Variants in BICC1 observed in about 807,000 individuals in gnomAD.
BICC1 encodes the protein BicC family RNA binding protein 1.
BICC1 carries 43 observed loss-of-function variants against 111.0 expected under a neutral mutation model. That is an observed-to-expected ratio of 0.39 (90% confidence interval 0.30 to 0.50). The LOEUF is 0.50. BICC1 is among the 20% of genes least tolerant of loss of function. BICC1 has a pLI of 0.88. For synonymous variants in BICC1, 467 were observed against 434.4 expected (o/e 1.07, Z -0.93); for missense variants, 1,091 against 1,203.2 (o/e 0.91, Z 1.38).
intron 2 of BICC1, chr10:58,648,372 C>A: frequency 3.7e-6 from 1 of 271,472 alleles, no homozygotes; most frequent in Non-Finnish European, 5.6e-6. Flanking sequence ...TTTTTGTGTT[C>A]ACCTATGTTA....
At chr10:58,607,241 G>A (rs1031276725) in intron 1 of BICC1, among the ~76,000 whole-genome samples, 2 of 151,502 alleles carry the variant, frequency 1.3e-5, no homozygotes, top group Admixed American at 6.6e-5. Context: ...CCTTGAACCC[G>A]GGAGGCGGAG....
intron 1 of BICC1, among the ~76,000 whole-genome samples, chr10:58,611,136 G>A (rs1455026315): frequency 1.2e-4 from 19 of 152,304 alleles, no homozygotes; most frequent in Admixed American, 8.5e-4. Flanking sequence ...ATAATGCTGT[G>A]ACAGACCAGT....
At chr10:58,725,918 A>C in intron 3 of BICC1, among the ~76,000 whole-genome samples, 1 of 152,122 alleles carries the variant, frequency 6.6e-6, no homozygotes, top group Non-Finnish European at 1.5e-5. Context: ...CTTTGTGGGG[A>C]ATGGTTGCAC....
At chr10:58,626,957 A>G (rs1338582865) in intron 2 of BICC1, among the ~76,000 whole-genome samples, 1 of 152,148 alleles carries the variant, frequency 6.6e-6, no homozygotes, top group African/African-American at 2.4e-5. Context: ...ATACAAAGTT[A>G]GCTGGGCGAT....
chr10:58,783,818 A>G (rs1040453685), intron 3 of BICC1, among the ~76,000 whole-genome samples: 1 of 152,206 alleles, frequency 6.6e-6, no homozygotes, highest in African/African-American at 2.4e-5. Context: ...GTTTTATCAT[A>G]AAGCTGATGG....
At chr10:58,808,131 TAA>T (rs1843771145) in intron 17 of BICC1, among the ~76,000 whole-genome samples, 1 of 151,694 alleles carries the variant, frequency 6.6e-6, no homozygotes, top group Non-Finnish European at 1.5e-5. Context: ...ATTGAAATAC[TAA>T]AAGAGTCTCC....
chr10:58,634,031 G>A (rs369064978), intron 2 of BICC1, among the ~76,000 whole-genome samples: 45 of 112,712 alleles, frequency 4.0e-4, no homozygotes, highest in African/African-American at 1.2e-3. Context: ...TTTTGCTCTC[G>A]TTGCCCAAGC....
intron 1 of BICC1, among the ~76,000 whole-genome samples, chr10:58,581,342 A>T (rs943617519): frequency 1.4e-4 from 22 of 152,196 alleles, no homozygotes; most frequent in African/African-American, 5.1e-4. Context: ...GTTTATGATG[A>T]TATTAAGTTA....
intron 2 of BICC1, among the ~76,000 whole-genome samples, chr10:58,631,105 C>A (rs1482287291): frequency 1.3e-5 from 2 of 152,168 alleles, no homozygotes; most frequent in Non-Finnish European, 2.9e-5. Flanking sequence ...TTTTATCCTG[C>A]ATATCAGAAT....
intron 3 of BICC1, among the ~76,000 whole-genome samples, chr10:58,748,916 C>T (rs1266600446): frequency 6.6e-6 from 1 of 152,088 alleles, no homozygotes; most frequent in African/African-American, 2.4e-5. Context: ...TCCAGTTTCT[C>T]CATTATTTTT....
chr10:58,789,572 T>C, intron 7 of BICC1, 110 bp from the exon 8 acceptor site: 3 of 1,518,172 alleles, frequency 2.0e-6, no homozygotes, highest in Non-Finnish European at 1.8e-6. Flanking sequence ...ACATTTTGGT[T>C]TGCAGAATAT....
At chr10:58,606,249 T>C (rs1403800377) in intron 1 of BICC1, among the ~76,000 whole-genome samples, 1 of 152,206 alleles carries the variant, frequency 6.6e-6, no homozygotes, top group East Asian at 1.9e-4. Flanking sequence ...GGCTAATTTA[T>C]TCAATTTGAT....
At chr10:58,827,937 G>A (rs987892337) in intron 20 of BICC1, among the ~76,000 whole-genome samples, 1 of 152,128 alleles carries the variant, frequency 6.6e-6, no homozygotes, top group African/African-American at 2.4e-5. Flanking sequence ...CAGGGATGAA[G>A]ACTTTCTGAT....
chr10:58,654,041 A>G (rs894878109), intron 2 of BICC1, among the ~76,000 whole-genome samples: 2 of 149,034 alleles, frequency 1.3e-5, no homozygotes, highest in African/African-American at 2.5e-5. Flanking sequence ...ATAGTATTCC[A>G]TGATGTATAT....
At chr10:58,714,708 G>A (rs1023016854) in intron 3 of BICC1, among the ~76,000 whole-genome samples, 5 of 152,072 alleles carry the variant, frequency 3.3e-5, no homozygotes, top group East Asian at 3.9e-4. Context: ...TTCTCAAACC[G>A]TGTGTGACCT....
chr10:58,797,447 GC>G (rs1410005310), intron 10 of BICC1, among the ~76,000 whole-genome samples: 1 of 152,010 alleles, frequency 6.6e-6, no homozygotes, highest in African/African-American at 2.4e-5. Flanking sequence ...AAGTAGCCCT[GC>G]CTAGACATCA....
At chr10:58,746,400 A>G (rs1411688760) in intron 3 of BICC1, among the ~76,000 whole-genome samples, 1 of 152,156 alleles carries the variant, frequency 6.6e-6, no homozygotes, top group Non-Finnish European at 1.5e-5. Context: ...CTTTCAGACA[A>G]CAAGGTGTCT....
chr10:58,631,665 T>C (rs966296075), intron 2 of BICC1, among the ~76,000 whole-genome samples: 8 of 152,158 alleles, frequency 5.3e-5, no homozygotes, highest in African/African-American at 1.9e-4. Context: ...TTAGCCAAAG[T>C]TGTAACTGAC....
chr10:58,588,282 A>G (rs943569716), intron 1 of BICC1, among the ~76,000 whole-genome samples: 3 of 152,182 alleles, frequency 2.0e-5, no homozygotes, highest in Non-Finnish European at 1.5e-5. Flanking sequence ...TTATTTGACA[A>G]ACACATTTGG....
Sources: gnomAD v4.1 joint callset for allele counts (sites outside exome capture counted in the v4.1 genomes callset) on GRCh38, gnomAD v4.1.1 for gene constraint, MANE v1.5 for transcripts, NCBI Gene and HGNC (gene_info 2026-07-23, HGNC 2026-07-21) for gene names.